PRH1: variants seen among roughly 807,000 people sequenced by gnomAD.
PRH1 encodes proline rich protein HaeIII subfamily 1, also known as salivary acidic proline-rich phosphoprotein 1/2.
A neutral mutation model predicts 7.9 loss-of-function variants in PRH1; 7 were observed. The ratio of observed to expected loss-of-function variants is 0.89; its 90% CI spans 0.50 to 1.67. The LOEUF is 1.67. PRH1 is among the 40% of genes most tolerant of loss of function. The pLI is 0.00. For missense variants in PRH1, 109 were observed against 223.6 expected (o/e 0.49, Z 3.27); for synonymous variants, 45 against 80.8 (o/e 0.56, Z 2.38).
rs200620754 is a variant in PRH1, at chr12:11,141,617, A to G, written n.40-20437T>C. Among the ~76,000 whole-genome samples, 11 of 152,348 alleles carry G rather than the reference A, an allele frequency of 7.2e-5. No individual in the cohort carries two copies. In the East Asian group the frequency reaches 2.1e-3, roughly 29 times the overall value. The stretch of plus-strand genomic sequence containing the variant: ...ATGCCTTGGTATAATCATCTGTAAA[A>G]TACAGATGATAATAATATTCTCTTT... On this transcript the variant is annotated intron_variant and non_coding_transcript_variant, in intron 1 of 1. Transcript: ENST00000541175.
chr12:11,101,552 C>G (rs1179463458), intron 1 of PRH1, among the ~76,000 whole-genome samples: 1 of 152,130 alleles, frequency 6.6e-6, no homozygotes, highest in African/African-American at 2.4e-5. Flanking sequence ...ATCCTCTATT[C>G]TTTATTCAGC....
chr12:11,108,169 A>G (rs1446126947), intron 1 of PRH1, among the ~76,000 whole-genome samples: 3 of 152,232 alleles, frequency 2.0e-5, no homozygotes, highest in Non-Finnish European at 4.4e-5. Context: ...TCTGTCCTAG[A>G]AAAATTTCAA....
At chr12:11,072,780 A>G (rs376663408) in intron 1 of PRH1, among the ~76,000 whole-genome samples, 1 of 127,378 alleles carries the variant, frequency 7.9e-6, no homozygotes, top group Non-Finnish European at 1.8e-5. Context: ...GATTAAGTGA[A>G]TATTTCTTGT....
intron 1 of PRH1, among the ~76,000 whole-genome samples, chr12:11,138,530 A>G (rs1946619372): frequency 1.3e-5 from 2 of 152,194 alleles, no homozygotes; most frequent in South Asian, 2.1e-4. Context: ...ACATTTTGGC[A>G]TAATAGGTCT....
At chr12:10,934,363 C>G (rs1323327114) in intron 2 of PRH1, among the ~76,000 whole-genome samples, 1 of 152,152 alleles carries the variant, frequency 6.6e-6, no homozygotes, top group Non-Finnish European at 1.5e-5. Flanking sequence ...TGGAGATAGT[C>G]AAAGCTGTGA....
At position 10,961,743 on chromosome 12, in the gene PRH1, GA is replaced by G. The variant is rs1938243858; in HGVS notation, c.-59+11911del. On this transcript the variant is annotated intron_variant, in intron 2 of 3. Coordinates refer to the PRH1 transcript ENST00000539853. Reference sequence around the variant, plus strand: ...GCAGAGATGGTAGTTCCGCCTCAGGGAAACCCTGGCCAATGGAAAATGGAAG... The same window carrying G: ...GCAGAGATGGTAGTTCCGCCTCAGGGAACCCTGGCCAATGGAAAATGGAAG... Among the ~76,000 whole-genome samples the G allele has an allele frequency of 2.0e-5, 3 of 152,198 alleles. No individual in the cohort carries two copies. The South Asian group carries it at 6.2e-4, about 32-fold the overall frequency.
intron 2 of PRH1, among the ~76,000 whole-genome samples, chr12:10,931,582 T>A (rs1439117573): frequency 6.6e-6 from 1 of 152,168 alleles, no homozygotes; most frequent in Non-Finnish European, 1.5e-5. Flanking sequence ...TCTCACTGAA[T>A]AGACATGTAC....
At chr12:11,117,797 T>C (rs1231528113), downstream of PRH1, among the ~76,000 whole-genome samples, 1 of 152,174 alleles carries the variant, frequency 6.6e-6, no homozygotes, top group East Asian at 1.9e-4. Context: ...TTGAAAAAGA[T>C]GCCAAGAACG....
Position 11,014,979 on chromosome 12 carries a change from G to A in PRH1, c.-126+32041C>T, listed in dbSNP as rs79751721. 4.6e-3 allele frequency among the ~76,000 whole-genome samples: 707 copies of A among 152,244 alleles called. 9 individuals are homozygous for A. Among genetic ancestry groups the A allele is most frequent in the African/African-American group, 0.016 (645 of 41,552 alleles). ...GATAATTGCTCACAGGCACCAGGGAGAGGCAATTTCACAATAAGTAAAGAT... is the reference window on the plus strand; with the variant it reads ...GATAATTGCTCACAGGCACCAGGGAAAGGCAATTTCACAATAAGTAAAGAT... On this transcript the variant is annotated intron_variant, in intron 1 of 3. Transcript: ENST00000539853.
chr12:11,092,609 G>T (rs1365043794), intron 1 of PRH1, among the ~76,000 whole-genome samples: 3 of 114,612 alleles, frequency 2.6e-5, no homozygotes, highest in South Asian at 4.8e-4. Context: ...AGCGATTGGT[G>T]CATTTTACAA....
At chr12:11,073,974 C>A (rs184968493) in intron 1 of PRH1, among the ~76,000 whole-genome samples, 5 of 149,274 alleles carry the variant, frequency 3.3e-5, no homozygotes, top group African/African-American at 1.2e-4. Flanking sequence ...TGCAACTACA[C>A]AAGGCATCTG....
At chr12:10,989,711 T>C (rs954144463) in intron 1 of PRH1, among the ~76,000 whole-genome samples, 1 of 152,228 alleles carries the variant, frequency 6.6e-6, no homozygotes, top group African/African-American at 2.4e-5. Context: ...TTCAGCTTTA[T>C]ATTTTTAGTA....
chr12:10,955,345 T>G (rs1480981502), intron 2 of PRH1, among the ~76,000 whole-genome samples: 1 of 151,962 alleles, frequency 6.6e-6, no homozygotes, highest in East Asian at 1.9e-4. Flanking sequence ...TGGGTACATA[T>G]TGAAATTAAG....
chr12:11,169,051 G>A (rs1412389075), intron 1 of PRH1, among the ~76,000 whole-genome samples: 2 of 152,180 alleles, frequency 1.3e-5, no homozygotes, highest in Non-Finnish European at 2.9e-5. Flanking sequence ...AAAATATTAA[G>A]CAGTATTAAA....
chr12:10,897,561 G>A (rs888496840), intron 2 of PRH1, among the ~76,000 whole-genome samples: 1 of 152,216 alleles, frequency 6.6e-6, no homozygotes, highest in Non-Finnish European at 1.5e-5. Flanking sequence ...GTTTCTGTAA[G>A]AGGTTTAATT....
At chr12:11,066,841 T>A (rs1365610094) in intron 1 of PRH1, among the ~76,000 whole-genome samples, 9 of 149,960 alleles carry the variant, frequency 6.0e-5, no homozygotes, top group Non-Finnish European at 1.2e-4. Context: ...TCATCAAGAA[T>A]AATGTAAAAC....
At position 11,012,532 on chromosome 12, in the gene PRH1, T is replaced by C. The variant is rs144428914; in HGVS notation, c.-126+34488A>G. On this transcript the variant is annotated intron_variant, in intron 1 of 3. Coordinates refer to the PRH1 transcript ENST00000539853. ...AGTTATTCTTTCGATTCTGTGTTAC[T>C]TGATACTTAAAAGATACCAGTGAAA... Among the ~76,000 whole-genome samples the C allele has an allele frequency of 4.3e-3, 656 of 152,290 alleles. 5 individuals carry two copies. Among genetic ancestry groups the C allele is most frequent in the African/African-American group, 0.015 (634 of 41,572 alleles).
chr12:11,008,471 C>G (rs2136035805), intron 1 of PRH1, among the ~76,000 whole-genome samples: 1 of 152,082 alleles, frequency 6.6e-6, no homozygotes, highest in Non-Finnish European at 1.5e-5. Flanking sequence ...TGACACTTTC[C>G]AAGCCTCTAT....
intron 1 of PRH1, among the ~76,000 whole-genome samples, chr12:11,060,858 T>A (rs1002540145): frequency 2.6e-5 from 4 of 152,272 alleles, no homozygotes; most frequent in African/African-American, 9.6e-5. Context: ...ATCCTTATTA[T>A]TGATTTAGAA....
Sources: allele counts gnomAD v4.1 joint callset (sites outside exome capture counted in the v4.1 genomes callset), GRCh38; gene constraint gnomAD v4.1.1; transcripts MANE v1.5; gene names NCBI Gene and HGNC (gene_info 2026-07-23, HGNC 2026-07-21).